The following PLCB3 variants were observed in gnomAD, a reference collection of about 807,000 sequenced individuals.
The protein encoded by PLCB3 is phospholipase C beta 3, also known as 1-phosphatidylinositol 4,5-bisphosphate phosphodiesterase beta-3.
A neutral mutation model predicts 152.1 loss-of-function variants in PLCB3; 54 were observed. That is an observed-to-expected ratio of 0.36 (90% CI 0.29 to 0.45). The LOEUF (loss-of-function observed/expected upper bound fraction) is 0.45, where lower values mean the gene tolerates loss of function less well. Among genes scored for constraint, PLCB3 ranks in the 20% least tolerant of loss-of-function variants. The pLI is 1.00. For missense variants in PLCB3, 1,248 were observed against 1,687.5 expected, an observed-to-expected ratio of 0.74 and a Z score of 4.56; for synonymous variants, 717 against 698.7, an observed-to-expected ratio of 1.03 and a Z score of -0.41.
chr11:64,259,455 C>T (rs1220122391), intron 13 of PLCB3, among the ~76,000 whole-genome samples: 1 of 152,180 alleles, frequency 6.6e-6, no homozygotes, highest in Non-Finnish European at 1.5e-5. Context: ...AGCTGCACCC[C>T]AACTCCTGAC....
chr11:64,252,138 G>T (rs986153095), intron 1 of PLCB3, among the ~76,000 whole-genome samples: 1 of 152,012 alleles, frequency 6.6e-6, no homozygotes, highest in Non-Finnish European at 1.5e-5. Flanking sequence ...GGCTGGCTGG[G>T]GGCATCCTCA....
chr11:64,255,799 A>T lies in PLCB3; in HGVS notation c.676A>T (p.Ile226Phe). ...GAACAAGCTGTGTCTGCGGCCGGAC[A>T]TTGACAAGATCCTGCTGGAGATGTG... ...FLNKLCLRPD[I>F]DKILLEIGAK... is the part of the protein sequence containing the mutation. Residue 226 changes from isoleucine to phenylalanine, a missense_variant, in exon 8 of 31, where the codon ATT becomes TTT. Ile to Phe is a conservative substitution (Grantham distance 21, BLOSUM62 0). This residue lies in a region of PLCB3 where 299 missense variants were observed against 434.7 expected (regional missense o/e 0.69). Transcript: ENST00000279230. The surrounding 1 kb of genome is among the most constrained non-coding windows in gnomAD (Gnocchi z 6.8). 6.2e-7 allele frequency: 1 copy of T among 1,613,612 alleles called. No homozygotes were observed. Among genetic ancestry groups the T allele is most frequent in the Non-Finnish European group, 8.5e-7 (1 of 1,179,556 alleles).
chr11:64,263,283 C>G (rs957598059), intron 19 of PLCB3: 2 of 555,334 alleles, frequency 3.6e-6, no homozygotes, highest in East Asian at 6.0e-5. Flanking sequence ...TGCCTGTCAT[C>G]TTGCCTCAGG....
intron 25 of PLCB3, 30 bp downstream of exon 25, chr11:64,265,532 T>A: frequency 6.4e-7 from 1 of 1,565,700 alleles, no homozygotes; most frequent in Non-Finnish European, 8.6e-7. Flanking sequence ...GTGTGCTATG[T>A]GTGCTGGGTG....
At position 64,255,780 on chromosome 11, in the gene PLCB3, G is replaced by A; in HGVS notation, c.657G>A (p.Lys219=). Residue 219 remains lysine (K), a synonymous_variant, in exon 8 of 31, where the codon AAG becomes AAA. Coordinates refer to ENST00000279230, the MANE Select transcript of PLCB3 (RefSeq NM_000932.5). This position sits in a 1 kb window ranked among gnomAD's most constrained non-coding sequence, Gnocchi z 6.8. ...AAATCTTTGAGCGGTTCCTGAACAA[G>A]CTGTGTCTGCGGCCGGACATTGACA... The part of the protein sequence containing the change: ...SLEIFERFLN[K]LCLRPDIDKI... 1 of 1,614,118 alleles carries A rather than the reference G, an allele frequency of 6.2e-7. No individual in the cohort carries two copies.
intron 1 of PLCB3, among the ~76,000 whole-genome samples, chr11:64,252,054 G>A (rs781455394): frequency 1.1e-4 from 17 of 151,802 alleles, no homozygotes; most frequent in Admixed American, 2.0e-4. Flanking sequence ...ACTAATTCTC[G>A]TTCCCCGATC....
chr11:64,267,890 T>C lies in PLCB3; in HGVS notation c.*334T>C, dbSNP rs545182560. 4.4e-5 allele frequency: 13 copies of C among 294,536 alleles called. No individual in the cohort carries two copies. The highest frequency in any genetic ancestry group is 2.2e-4 in the African/African-American group (10 of 45,406). 18.2% of individuals were successfully genotyped at this position (294,536 alleles called of 1,614,324 possible). ...CATTTTTTTCTCTATTCTTTGGGGA[T>C]TTTTTTTACATGAATAAAAGTGGAT... On this transcript the variant is annotated 3_prime_UTR_variant, in exon 31 of 31. Coordinates refer to ENST00000279230, the MANE Select transcript of PLCB3 (RefSeq NM_000932.5). This position sits in a 1 kb window ranked among gnomAD's most constrained non-coding sequence, Gnocchi z 5.2.
At position 64,258,454 on chromosome 11, in the gene PLCB3, C is replaced by T; in HGVS notation, c.1013-19C>T. 2 of 1,608,506 alleles carry T rather than the reference C, an allele frequency of 1.2e-6. No homozygotes were observed. Among genetic ancestry groups the T allele is most frequent in the Non-Finnish European group, 1.7e-6 (2 of 1,177,594 alleles). ...CTGGGCTGGTGGGCGGCCTCGGTGACAGAGCCTCGCCGCCCCAGCGGGGCA... is the reference window on the plus strand; with the variant it reads ...CTGGGCTGGTGGGCGGCCTCGGTGATAGAGCCTCGCCGCCCCAGCGGGGCA... On this transcript the variant is annotated intron_variant, in intron 10 of 30. Transcript: ENST00000279230. This position sits in a 1 kb window ranked among gnomAD's most constrained non-coding sequence, Gnocchi z 7.2.
In PLCB3 at chr11:64,260,122, A is replaced by G. The variant is rs946710922; in HGVS notation, c.1619A>G (p.Asp540Gly). 4.3e-6 allele frequency: 7 copies of G among 1,611,860 alleles called. No homozygotes were observed. The highest frequency in any genetic ancestry group is 5.1e-6 in the Non-Finnish European group (6 of 1,179,302). ...PSLEPQKSLG[D>G]EGLNRGPYVL... ...CTGGAGCCTCAGAAGTCTCTGGGTG[A>G]CGAGGGCCTGAACCGAGGCCCCTAT... The change falls in exon 14 of 31, where the codon GAC becomes GGC. Residue 540 changes from aspartate (D) to glycine (G), a missense_variant. Asp to Gly is a moderately conservative substitution (Grantham distance 94). This residue lies in a region of PLCB3 where 105 missense variants were observed against 100.9 expected (regional missense o/e 1.04). Transcript: ENST00000279230.
intron 1 of PLCB3, among the ~76,000 whole-genome samples, chr11:64,252,437 A>G (rs2031262391): frequency 6.6e-6 from 1 of 151,900 alleles, no homozygotes; most frequent in Non-Finnish European, 1.5e-5. Context: ...TGCTTCCCAA[A>G]TGCCTGTGTC....
intron 19 of PLCB3, 115 bp downstream of exon 19, chr11:64,262,923 T>TG: frequency 9.0e-7 from 1 of 1,113,982 alleles, no homozygotes; most frequent in Non-Finnish European, 1.3e-6. Context: ...GATCAGAAAG[T>TG]GGGGGGTGCC....
At position 64,265,242 on chromosome 11, in the gene PLCB3, A is replaced by T. The variant is rs755523292; in HGVS notation, c.2842+15A>T. The T allele has an allele frequency of 1.9e-6, 3 of 1,595,082 alleles. No individual in the cohort carries two copies. In the South Asian group the frequency reaches 3.4e-5, roughly 18 times the overall value. On this transcript the variant is annotated intron_variant, in intron 24 of 30. Coordinates refer to ENST00000279230, the MANE Select transcript of PLCB3 (RefSeq NM_000932.5). Reference sequence around the variant, plus strand: ...CATCCTCTCAGGTAGGGGGCGGGGTACCTGGAGGCAGGGGGCTGCCTTGCA... The same window carrying T: ...CATCCTCTCAGGTAGGGGGCGGGGTTCCTGGAGGCAGGGGGCTGCCTTGCA...
chr11:64,257,375 G>T (rs2031596409), intron 10 of PLCB3, among the ~76,000 whole-genome samples: 1 of 152,098 alleles, frequency 6.6e-6, no homozygotes, highest in Admixed American at 6.5e-5. Flanking sequence ...AGAACTTTGG[G>T]AGGCTGAAGC....
chr11:64,251,826 C>T, intron 1 of PLCB3, 78 bp downstream of exon 1: 1 of 856,818 alleles, frequency 1.2e-6, no homozygotes, highest in South Asian at 2.9e-5. Flanking sequence ...GGGACCCCCA[C>T]CCCAGCCTCG....
At chr11:64,252,003 C>T (rs550100964) in intron 1 of PLCB3, among the ~76,000 whole-genome samples, 1 of 152,044 alleles carries the variant, frequency 6.6e-6, no homozygotes, top group South Asian at 2.1e-4. Context: ...TAAACCCCGT[C>T]CCCCCGTTTT....
At chr11:64,263,073 C>T (rs985742464) in intron 19 of PLCB3, among the ~76,000 whole-genome samples, 27 of 152,202 alleles carry the variant, frequency 1.8e-4, no homozygotes, top group African/African-American at 6.3e-4. Context: ...TGGACACAGC[C>T]TACCCTGTCT....
chr11:64,256,224 C>T (rs2031521315), intron 8 of PLCB3, 152 bp from the exon 9 acceptor site: 1 of 651,614 alleles, frequency 1.5e-6, no homozygotes, highest in African/African-American at 1.8e-5. Context: ...AAACTGAGGC[C>T]CAGAGGTTGG....
At chr11:64,268,968 C>T (rs2032285847), downstream of PLCB3, 2 of 152,290 alleles carry the variant, frequency 1.3e-5, no homozygotes, top group African/African-American at 2.4e-5. Context: ...TTCTGTGGGA[C>T]GCTGCCCTAT....
Position 64,255,314 on chromosome 11 carries a change from G to A in PLCB3, c.467+1G>A, listed in dbSNP as rs377661831. The A allele has an allele frequency of 1.2e-6, 2 of 1,613,926 alleles. No homozygotes were observed. Among genetic ancestry groups the A allele is most frequent in the Non-Finnish European group, 1.7e-6 (2 of 1,179,952 alleles). On this transcript the variant is annotated splice_donor_variant, in intron 5 of 30. Transcript: ENST00000279230. LOFTEE classifies it high-confidence loss of function. This position sits in a 1 kb window ranked among gnomAD's most constrained non-coding sequence, Gnocchi z 6.8. ...CCCGGAACACCTTCCTGCGCAAAGC[G>A]TGAGCCCCAGGCCACCCGAGGGGGA...
Sources: allele counts gnomAD v4.1 joint callset (sites outside exome capture counted in the v4.1 genomes callset), GRCh38; gene constraint gnomAD v4.1.1; regional missense constraint gnomAD v4.1.1; non-coding constraint Gnocchi (gnomAD v3.1); transcripts MANE v1.5; gene names NCBI Gene and HGNC (gene_info 2026-07-23, HGNC 2026-07-21).